The following SERPINB5 variants were observed in gnomAD, a reference collection of about 807,000 sequenced individuals.
The protein encoded by SERPINB5 is serpin B5.
In SERPINB5, 27 loss-of-function variants were observed where a neutral mutation model predicts 32.2. The ratio of observed to expected loss-of-function variants is 0.84; its 90% CI spans 0.62 to 1.16. The LOEUF (loss-of-function observed/expected upper bound fraction) is 1.16, where lower values mean the gene tolerates loss of function less well. Ranked by LOEUF, SERPINB5 falls within the 50% of genes most tolerant of loss-of-function variation. The pLI is 0.00. For synonymous variants in SERPINB5, 154 were observed against 157.4 expected, an observed-to-expected ratio of 0.98 and a Z score of 0.16; for missense variants, 388 against 436.3, an observed-to-expected ratio of 0.89 and a Z score of 0.99.
chr18:63,488,737 T>C (rs1917252986), intron 3 of SERPINB5, among the ~76,000 whole-genome samples: 1 of 152,214 alleles, frequency 6.6e-6, no homozygotes, highest in Non-Finnish European at 1.5e-5. Context: ...ACATTTTAAA[T>C]AAGCATTAGA....
rs773959330 is a variant in SERPINB5, at chr18:63,503,623, G to A, written c.1029G>A (p.Gln343=). ...SIEVPGARIL[Q]HKDELNADHP... ...AGGTGCCAGGAGCACGGATCCTGCA[G>A]CACAAGGATGAATTGAATGCTGACC... The change falls in exon 7 of 7, where the codon CAG becomes CAA. Residue 343 remains glutamine (Q), a synonymous_variant. Coordinates refer to ENST00000382771, the MANE Select transcript of SERPINB5 (RefSeq NM_002639.5). 1.9e-6 allele frequency: 3 copies of A among 1,614,210 alleles called. No individual in the cohort carries two copies. The highest frequency in any genetic ancestry group is 2.5e-6 in the Non-Finnish European group (3 of 1,180,014).
chr18:63,493,329 T>C, intron 5 of SERPINB5: 2 of 593,192 alleles, frequency 3.4e-6, no homozygotes, highest in Non-Finnish European at 5.9e-6. Context: ...TGAAACTTTA[T>C]AGAATTTGTA....
At chr18:63,483,851 A>G (rs1447840888) in intron 1 of SERPINB5, among the ~76,000 whole-genome samples, 1 of 152,162 alleles carries the variant, frequency 6.6e-6, no homozygotes, top group Non-Finnish European at 1.5e-5. Flanking sequence ...ATCTTAACTA[A>G]TTATATATTA....
chr18:63,480,441 T>TGAAAAAA (rs137926985), intron 1 of SERPINB5, among the ~76,000 whole-genome samples: 1,695 of 152,264 alleles, frequency 0.011, 39 homozygotes, highest in African/African-American at 0.039. Context: ...GGCAACAGAA[T>TGAAAAAA]GAAAAAAAAT....
chr18:63,501,146 A>T (rs1009232359), intron 6 of SERPINB5, among the ~76,000 whole-genome samples: 2 of 151,212 alleles, frequency 1.3e-5, no homozygotes, highest in Non-Finnish European at 2.9e-5. Context: ...TGCACCCATT[A>T]AGTTGTCATT....
At chr18:63,486,060 C>T (rs1432724137) in intron 2 of SERPINB5, 1 of 151,668 alleles carries the variant, frequency 6.6e-6, no homozygotes, top group East Asian at 1.9e-4. Context: ...ATGATAGTAT[C>T]CTGGTTTTAA....
chr18:63,492,424 G>A (rs1909360100), intron 4 of SERPINB5, among the ~76,000 whole-genome samples: 1 of 152,190 alleles, frequency 6.6e-6, no homozygotes, highest in Non-Finnish European at 1.5e-5. Flanking sequence ...AATGATCTTT[G>A]CCTTATAGGA....
chr18:63,499,997 CTAT>C (rs71162648), intron 6 of SERPINB5, among the ~76,000 whole-genome samples: 24,179 of 149,600 alleles, frequency 0.16, 2,058 homozygotes, highest in African/African-American at 0.21. Flanking sequence ...TGACATATTA[CTAT>C]TATTATTATT....
chr18:63,497,054 C>A lies in SERPINB5; in HGVS notation c.568-2066C>A. On this transcript the variant is annotated intron_variant, in intron 5 of 6. Coordinates refer to ENST00000382771, the MANE Select transcript of SERPINB5 (RefSeq NM_002639.5). Reference sequence around the variant, plus strand: ...TCCGCTGTTGTACTAGGGGTCTAATCCGGCCTGTGTCTGCCTCCTTCTTGA... The same window carrying A: ...TCCGCTGTTGTACTAGGGGTCTAATACGGCCTGTGTCTGCCTCCTTCTTGA... 8.8e-6 allele frequency: 5 copies of A among 569,284 alleles called. No homozygotes were observed. The East Asian group carries it at 2.3e-4, about 26-fold the overall frequency. The allele number at this position is 569,284 out of a possible 1,614,324, so 35.3% of individuals were successfully genotyped here. A position where few individuals can be genotyped will look rare whatever the true frequency, so the allele number is the denominator to read the frequency against.
chr18:63,490,117 G>A (rs368094458), intron 4 of SERPINB5, among the ~76,000 whole-genome samples: 13 of 152,200 alleles, frequency 8.5e-5, no homozygotes, highest in East Asian at 3.9e-4. Context: ...GCGTGAACCC[G>A]GGAGGCGGAG....
chr18:63,502,932 G>A (rs560970980), intron 6 of SERPINB5, among the ~76,000 whole-genome samples: 10 of 152,180 alleles, frequency 6.6e-5, no homozygotes, highest in East Asian at 1.9e-4. Context: ...GCTGAGGCAC[G>A]AGAATTGCTT....
intron 5 of SERPINB5, chr18:63,497,417 C>T (rs1371005261): frequency 2.1e-6 from 2 of 960,174 alleles, no homozygotes; most frequent in African/African-American, 1.6e-5. Context: ...GTGGGGGTCA[C>T]CTGCCTGTCC....
intron 6 of SERPINB5, among the ~76,000 whole-genome samples, chr18:63,500,746 G>T (rs1426799905): frequency 6.6e-6 from 1 of 152,112 alleles, no homozygotes; most frequent in Non-Finnish European, 1.5e-5. Context: ...TGGATCACTT[G>T]CTATATATCC....
intron 3 of SERPINB5, 81 bp from the exon 4 acceptor site, chr18:63,489,266 T>C (rs17071181): frequency 0.12 from 97,888 of 786,908 alleles, 13,917 homozygotes; most frequent in African/African-American, 0.56. Flanking sequence ...AGTTGATATT[T>C]AATAATCCTT....
chr18:63,481,515 G>A (rs1917126897), intron 1 of SERPINB5, among the ~76,000 whole-genome samples: 1 of 152,228 alleles, frequency 6.6e-6, no homozygotes, highest in African/African-American at 2.4e-5. Context: ...ATTATTATCA[G>A]TGCGATTAGC....
chr18:63,481,888 TGAGGGGAGAAGGA>T (rs1425040783), intron 1 of SERPINB5, among the ~76,000 whole-genome samples: 1 of 152,136 alleles, frequency 6.6e-6, no homozygotes, highest in Non-Finnish European at 1.5e-5. Context: ...GCCCCTGCCC[TGAGGGGAGAAGGA>T]GTAAGGTTGT....
chr18:63,481,227 GT>G (rs1033500861), intron 1 of SERPINB5, among the ~76,000 whole-genome samples: 3 of 152,206 alleles, frequency 2.0e-5, no homozygotes, highest in African/African-American at 7.2e-5. Flanking sequence ...ATCTCAAAAT[GT>G]TGTGACAAGT....
rs1004140880 is a variant in SERPINB5, at chr18:63,487,896, T to C, written c.306+813T>C. On this transcript the variant is annotated intron_variant, in intron 3 of 6. Coordinates refer to ENST00000382771, the MANE Select transcript of SERPINB5 (RefSeq NM_002639.5). ...ACCATGATTTTGCAACTTTCTGCAG[T>C]AGGTATTTTTGTGGTTAAGATCTTT... 2.6e-5 allele frequency among the ~76,000 whole-genome samples: 4 copies of C among 152,254 alleles called. No homozygotes were observed. The East Asian group carries it at 5.8e-4, about 22-fold the overall frequency.
rs538827833 is a variant in SERPINB5 at position 63,503,345 on chromosome 18, A to G, written c.751A>G (p.Asn251Asp). Reference sequence around the variant, plus strand: ...TGTCCTTCAGATTGAAAAACAACTCAACTCAGAGTCACTGTCACAGTGGAC... The same window carrying G: ...TGTCCTTCAGATTGAAAAACAACTCGACTCAGAGTCACTGTCACAGTGGAC... ...TGLEKIEKQLNSESLSQWTNP... is the reference protein window; with the variant it reads ...TGLEKIEKQLDSESLSQWTNP... Residue 251 changes from asparagine (N) to aspartate (D), a missense_variant, in exon 7 of 7, where the codon AAC becomes GAC. By Grantham distance (23) the Asn-to-Asp change is conservative. Coordinates refer to ENST00000382771, the MANE Select transcript of SERPINB5 (RefSeq NM_002639.5). 1 of 1,610,508 alleles carries G rather than the reference A, an allele frequency of 6.2e-7. No homozygotes were observed. The highest frequency in any genetic ancestry group is 1.3e-5 in the African/African-American group (1 of 74,802).
Sources: allele counts gnomAD v4.1 joint callset (sites outside exome capture counted in the v4.1 genomes callset), GRCh38; gene constraint gnomAD v4.1.1; transcripts MANE v1.5; gene names NCBI Gene and HGNC (gene_info 2026-07-23, HGNC 2026-07-21).